The following ACSL4 variants were observed in gnomAD, a reference collection of about 807,000 sequenced individuals.
The protein encoded by ACSL4 is acyl-CoA synthetase long chain family member 4.
A neutral mutation model predicts 49.1 loss-of-function variants in ACSL4; 9 were observed. The observed-to-expected ratio is 0.18, with a 90% CI of 0.11 to 0.32. The LOEUF (loss-of-function observed/expected upper bound fraction) is 0.32. ACSL4 is among the 10% of genes least tolerant of loss of function. ACSL4 has a pLI of 1.00. For synonymous variants in ACSL4, 191 were observed against 170.3 expected (o/e 1.12, Z -0.95); for missense variants, 333 against 493.7 (o/e 0.67, Z 3.08).
intron 1 of ACSL4, among the ~76,000 whole-genome samples, chrX:109,716,836 G>T (rs958556077): frequency 1.6e-4 from 18 of 112,135 alleles, no homozygotes; most frequent in East Asian, 1.1e-3. Context: ...ACAAAGGTCA[G>T]CCAAGAAAAT....
At chrX:109,719,340 T>G (rs12856122) in intron 1 of ACSL4, among the ~76,000 whole-genome samples, 45,144 of 110,035 alleles carry the variant, frequency 0.41, 8,019 homozygotes, top group Middle Eastern at 0.6. Context: ...GTGCCAGAAG[T>G]GCCACCTATG....
intron 13 of ACSL4, among the ~76,000 whole-genome samples, chrX:109,662,791 G>A (rs1359576239): frequency 9.0e-6 from 1 of 111,316 alleles, no homozygotes; most frequent in Non-Finnish European, 1.9e-5. Context: ...GAGAGGTGAA[G>A]AGTGAGGAAG....
intron 9 of ACSL4, among the ~76,000 whole-genome samples, chrX:109,670,023 C>T (rs1052275356): frequency 4.5e-5 from 5 of 110,815 alleles, no homozygotes; most frequent in African/African-American, 9.9e-5. Context: ...TAAGATATAC[C>T]GACTCTAAGG....
At chrX:109,659,261 T>G in intron 15 of ACSL4, 93 bp downstream of exon 15, 1 of 852,846 alleles carries the variant, frequency 1.2e-6, no homozygotes, top group Non-Finnish European at 1.7e-6. Context: ...TCCTGTATTT[T>G]ATTATTAAAG....
chrX:109,680,890 TTCAG>T, intron 6 of ACSL4, 104 bp downstream of exon 6: 1 of 861,223 alleles, frequency 1.2e-6, no homozygotes, highest in Non-Finnish European at 1.7e-6. Context: ...ACTTTTTTTT[TTCAG>T]TCAAAGAACT....
intron 1 of ACSL4, among the ~76,000 whole-genome samples, chrX:109,732,272 G>A (rs778394095): frequency 1.8e-5 from 2 of 111,993 alleles, no homozygotes; most frequent in East Asian, 2.8e-4. Context: ...CGAATAGAGC[G>A]TATTAATTTC....
At position 109,686,224 on chromosome X, in the gene ACSL4, A is replaced by G. The variant is rs56396767; in HGVS notation, c.-12-2849T>C. On this transcript the variant is annotated intron_variant, in intron 2 of 15. Transcript: ENST00000672401. ...ACCACTCAATCTGATACATGATTAT[A>G]CTACCATCACTTCCAAACTTCTGGG... Among the ~76,000 whole-genome samples, 965 of 111,904 alleles carry G rather than the reference A, an allele frequency of 8.6e-3. 11 individuals carry two copies. The highest frequency in any genetic ancestry group is 0.061 in the East Asian group (216 of 3,539).
rs768564263 is a variant in ACSL4 at position 109,709,896 on chromosome X, G to A, written c.-65-13700C>T. ...CTGCAGCAGGCGGATCACGGAGGTC[G>A]GTAGTTCAAGACTAGCCTGACCAAC... On this transcript the variant is annotated intron_variant, in intron 1 of 15. Coordinates refer to ENST00000672401, the MANE Select transcript of ACSL4 (RefSeq NM_001318510.2). Among the ~76,000 whole-genome samples, 11 of 111,137 alleles carry A rather than the reference G, an allele frequency of 9.9e-5. No individual in the cohort carries two copies. The East Asian group carries it at 2.5e-3, about 26-fold the overall frequency.
At chrX:109,666,115 T>G (rs1477339858) in intron 11 of ACSL4, among the ~76,000 whole-genome samples, 1 of 112,402 alleles carries the variant, frequency 8.9e-6, no homozygotes, top group East Asian at 2.8e-4. Context: ...AAGGAGACCC[T>G]GCACTCAATG....
Position 109,682,791 on chromosome X carries a change from T to C in ACSL4, c.334A>G (p.Ile112Val). The C allele has an allele frequency of 1.7e-6, 2 of 1,211,754 alleles. No homozygotes were observed. Among genetic ancestry groups the C allele is most frequent in the Non-Finnish European group, 1.1e-6 (1 of 895,501 alleles). The stretch of plus-strand genomic sequence containing the variant: ...GCCCTGGTCTCACAGAAGATGGCAA[T>C]GGTGTTCTTTGGTTTTAGTCCCAGT... ...TALGLKPKNT[I>V]AIFCETRAEW... The change falls in exon 4 of 16, where the codon ATT becomes GTT. Residue 112 changes from isoleucine to valine, a missense_variant. Ile to Val is a conservative substitution (Grantham distance 29). This residue lies in a region of ACSL4 where 157 missense variants were observed against 201.1 expected (regional missense o/e 0.78). Coordinates refer to ENST00000672401, the MANE Select transcript of ACSL4 (RefSeq NM_001318510.2).
intron 1 of ACSL4, among the ~76,000 whole-genome samples, chrX:109,701,638 C>T (rs1012380026): frequency 2.0e-5 from 2 of 101,573 alleles, no homozygotes; most frequent in Non-Finnish European, 4.0e-5. Context: ...CTCCGCCTCA[C>T]GGTTCACACC....
Position 109,644,222 on chromosome X carries a change from G to T in ACSL4, c.1856-36C>A, listed in dbSNP as rs376165575. ...AAGTGAAAGATGGGAGAAAAGGAGA[G>T]GGGGGGAAAGAGACGAGAAAGGAGT... On this transcript the variant is annotated intron_variant, in intron 15 of 15. Transcript: ENST00000672401. The T allele has an allele frequency of 6.9e-6, 8 of 1,159,312 alleles. No individual in the cohort carries two copies. In the Middle Eastern group the frequency reaches 7.2e-4, roughly 104 times the overall value.
Position 109,681,337 on chromosome X carries a change from C to T in ACSL4, c.445G>A (p.Val149Ile). ...GCCTCAGATTCATTTAGCCCATGAA[C>T]TACTGCTTCTTTGCCAAGTGTGGCA... ...LYATLGKEAV[V>I]HGLNESEASY... is the part of the protein sequence containing the mutation. The change falls in exon 5 of 16, where the codon GTT becomes ATT. Residue 149 changes from valine to isoleucine, a missense_variant. Physicochemically the swap from Val to Ile is conservative, Grantham distance 29 (BLOSUM62 3). Around this residue, in one of 3 missense-constraint regions of ACSL4, gnomAD observed 157 missense variants for 201.1 expected, o/e 0.78. Transcript: ENST00000672401. 8.3e-7 allele frequency: 1 copy of T among 1,209,953 alleles called. No individual in the cohort carries two copies. The highest frequency in any genetic ancestry group is 1.8e-5 in the South Asian group (1 of 56,854).
intron 15 of ACSL4, 39 bp from the exon 16 acceptor site, chrX:109,644,225 G>C (rs762157575): frequency 2.6e-6 from 3 of 1,163,221 alleles, no homozygotes; most frequent in Non-Finnish European, 3.5e-6. Flanking sequence ...AAGGAGAGGG[G>C]GGGAAAGAGA....
At chrX:109,667,303 C>T (rs1341053281) in intron 11 of ACSL4, among the ~76,000 whole-genome samples, 2 of 112,534 alleles carry the variant, frequency 1.8e-5, no homozygotes, top group African/African-American at 6.5e-5. Flanking sequence ...GGGGTGAGCC[C>T]ATAAACATCT....
intron 1 of ACSL4, among the ~76,000 whole-genome samples, chrX:109,709,961 C>T (rs769212913): frequency 1.8e-5 from 2 of 111,288 alleles, no homozygotes; most frequent in Non-Finnish European, 3.8e-5. Context: ...CAAAATTAGC[C>T]GGGCCTGGTG....
At chrX:109,713,592 A>C (rs1275902445) in intron 1 of ACSL4, among the ~76,000 whole-genome samples, 1 of 111,289 alleles carries the variant, frequency 9.0e-6, no homozygotes, top group Non-Finnish European at 1.9e-5. Context: ...AAAAAAGGCA[A>C]TTTCAAGTCG....
At chrX:109,646,626 T>G (rs1934717222) in intron 15 of ACSL4, among the ~76,000 whole-genome samples, 2 of 108,841 alleles carry the variant, frequency 1.8e-5, no homozygotes, top group African/African-American at 6.7e-5. Flanking sequence ...ACGAGCAAAA[T>G]AACCAGCTAA....
At chrX:109,667,964 C>A in intron 11 of ACSL4, 137 bp downstream of exon 11, 1 of 459,003 alleles carries the variant, frequency 2.2e-6, no homozygotes, top group East Asian at 3.8e-5. Context: ...ATTCATAAAC[C>A]AAAACTACAC....
Sources: gnomAD v4.1 joint callset for allele counts (sites outside exome capture counted in the v4.1 genomes callset) on GRCh38, gnomAD v4.1.1 for gene constraint, gnomAD v4.1.1 regional missense constraint, MANE v1.5 for transcripts, NCBI Gene and HGNC (gene_info 2026-07-23, HGNC 2026-07-21) for gene names.